BIRC3: variants seen among roughly 807,000 people sequenced by gnomAD.
BIRC3 encodes baculoviral IAP repeat containing 3.
BIRC3 carries 26 observed loss-of-function variants against 59.0 expected under a neutral mutation model. That is an observed-to-expected ratio of 0.44 (90% CI 0.32 to 0.61). The LOEUF (loss-of-function observed/expected upper bound fraction) is 0.61, where lower values mean the gene tolerates loss of function less well. Ranked by LOEUF, BIRC3 falls within the 20% of genes least tolerant of loss-of-function variation. The pLI, the probability that BIRC3 is intolerant of heterozygous loss-of-function variation, is 0.04. For synonymous variants in BIRC3, 243 were observed against 249.2 expected, an observed-to-expected ratio of 0.98 and a Z score of 0.24; for missense variants, 641 against 711.5, an observed-to-expected ratio of 0.90 and a Z score of 1.13.
intron 6 of BIRC3, among the ~76,000 whole-genome samples, chr11:102,335,028 G>A (rs1438252636): frequency 6.6e-6 from 1 of 152,074 alleles, no homozygotes; most frequent in African/African-American, 2.4e-5. Flanking sequence ...ATCACTCGAG[G>A]CCAGGAGTTC....
chr11:102,328,816 T>C (rs1951109273), intron 4 of BIRC3, 81 bp from the exon 5 acceptor site: 5 of 506,250 alleles, frequency 9.9e-6, no homozygotes, highest in African/African-American at 4.1e-5. Context: ...GTCTGTTGGG[T>C]CATTTTCATT....
At chr11:102,335,780 G>A (rs28480648) in intron 6 of BIRC3, among the ~76,000 whole-genome samples, 186 bp from the exon 7 acceptor site, 379 of 152,046 alleles carry the variant, frequency 2.5e-3, no homozygotes, top group African/African-American at 8.9e-3. Context: ...CTGCACCCTG[G>A]ATTATAATTA....
intron 3 of BIRC3, among the ~76,000 whole-genome samples, chr11:102,325,816 A>G (rs1457103919): frequency 6.6e-6 from 1 of 152,048 alleles, no homozygotes; most frequent in African/African-American, 2.4e-5. Context: ...CATGCTCATT[A>G]TAAAAACAAA....
intron 5 of BIRC3, among the ~76,000 whole-genome samples, chr11:102,330,652 G>C (rs1288747898): frequency 6.6e-6 from 1 of 152,106 alleles, no homozygotes; most frequent in African/African-American, 2.4e-5. Flanking sequence ...AATTATTCTT[G>C]ATTGAAAACT....
At chr11:102,328,628 A>G (rs139577237) in intron 4 of BIRC3, among the ~76,000 whole-genome samples, 2 of 152,268 alleles carry the variant, frequency 1.3e-5, no homozygotes, top group Non-Finnish European at 2.9e-5. Flanking sequence ...GGATTATGGA[A>G]AAGATATAGT....
chr11:102,325,812 C>T lies in BIRC3; in HGVS notation c.953+247C>T, dbSNP rs746463518. Among the ~76,000 whole-genome samples the T allele has an allele frequency of 2.0e-3, 305 of 151,870 alleles. 2 individuals carry two copies. The highest frequency in any genetic ancestry group is 3.4e-3 in the Non-Finnish European group (228 of 67,952). The stretch of plus-strand genomic sequence containing the variant: ...TATATATATTTAAATAATACATGCT[C>T]ATTATAAAAACAAAGTCACACATTG... On this transcript the variant is annotated intron_variant, in intron 3 of 8. Coordinates refer to ENST00000263464, the MANE Select transcript of BIRC3 (RefSeq NM_001165.5).
In BIRC3 at chr11:102,324,186, A is replaced by G. The variant is rs1951058998; in HGVS notation, c.-324A>G. 2 of 246,288 alleles carry G rather than the reference A, an allele frequency of 8.1e-6. No individual in the cohort carries two copies. The highest frequency in any genetic ancestry group is 1.4e-4 in the South Asian group (1 of 6,980). The allele number at this position is 246,288 out of a possible 1,614,324, so 15.3% of individuals were successfully genotyped here. On this transcript the variant is annotated 5_prime_UTR_variant, in exon 2 of 9. Coordinates refer to ENST00000263464, the MANE Select transcript of BIRC3 (RefSeq NM_001165.5). ...TGACCTACCTGTGGAGATGCCTGCC[A>G]TTAAATGGCATCCTGATGGCTTAAT...
chr11:102,328,926 T>C lies in BIRC3; in HGVS notation c.1062T>C (p.Asp354=), dbSNP rs953349466. 3 of 1,445,276 alleles carry C rather than the reference T, an allele frequency of 2.1e-6. No homozygotes were observed. Among genetic ancestry groups the C allele is most frequent in the South Asian group, 1.6e-5 (1 of 64,512 alleles). The allele number at this position is 1,445,276 out of a possible 1,614,324, so 89.5% of individuals were successfully genotyped here. ...QLLSTSDSPG[D]ENAESSIIHF... Reference sequence around the variant, plus strand: ...TATCCACATCAGACAGCCCAGGAGATGAAAATGCAGAGTCATCAAGTAAGT... The same window carrying C: ...TATCCACATCAGACAGCCCAGGAGACGAAAATGCAGAGTCATCAAGTAAGT... The change falls in exon 5 of 9, where the codon GAT becomes GAC. Residue 354 remains aspartate (D), a synonymous_variant. Coordinates refer to ENST00000263464, the MANE Select transcript of BIRC3 (RefSeq NM_001165.5).
rs544702443 is a variant in BIRC3 at position 102,339,319 on chromosome 11, C to T, written c.*2217C>T. On this transcript the variant is annotated 3_prime_UTR_variant, in exon 9 of 9. Coordinates refer to ENST00000263464, the MANE Select transcript of BIRC3 (RefSeq NM_001165.5). Reference sequence around the variant, plus strand: ...TTATGGTAATAAATAGCTATTATAACCAACCCATTTATTCAAATATGTTAT... The same window carrying T: ...TTATGGTAATAAATAGCTATTATAATCAACCCATTTATTCAAATATGTTAT... 1 of 182,296 alleles carries T rather than the reference C, an allele frequency of 5.5e-6. No individual in the cohort carries two copies. Among genetic ancestry groups the T allele is most frequent in the African/African-American group, 2.4e-5 (1 of 42,454 alleles). 11.3% of individuals were successfully genotyped at this position (182,296 alleles called of 1,614,324 possible).
rs1166713245 is a variant in BIRC3 at position 102,338,988 on chromosome 11, C to G, written c.*1886C>G. 4.6e-6 allele frequency: 1 copy of G among 216,300 alleles called. No individual in the cohort carries two copies. The highest frequency in any genetic ancestry group is 9.3e-6 in the Non-Finnish European group (1 of 107,492). The allele number at this position is 216,300 out of a possible 1,614,324, so 13.4% of individuals were successfully genotyped here. On this transcript the variant is annotated 3_prime_UTR_variant, in exon 9 of 9. Transcript: ENST00000263464. ...TGTTGTAAAGAGAACAATTAGGGAC[C>G]AAGTGAGGGGAGGAAAGAATCCATC...
At position 102,324,828 on chromosome 11, in the gene BIRC3, G is replaced by A. The variant is rs759147879; in HGVS notation, c.319G>A (p.Ala107Thr). The A allele has an allele frequency of 6.2e-7, 1 of 1,614,178 alleles. No homozygotes were observed. Among genetic ancestry groups the A allele is most frequent in the South Asian group, 1.1e-5 (1 of 91,082 alleles). Residue 107 changes from alanine (A) to threonine (T), a missense_variant, in exon 2 of 9, where the codon GCT becomes ACT. Transcript: ENST00000263464. ...TCTAAATTCCGTTAACAACTTGGAA[G>A]CTACCTCTCAGCCTACTTTTCCTTC... ...QSLNSVNNLE[A>T]TSQPTFPSSV...
chr11:102,326,905 A>G, intron 3 of BIRC3: 2 of 399,222 alleles, frequency 5.0e-6, no homozygotes, highest in Non-Finnish European at 5.0e-6. Flanking sequence ...ACAGGGTTTC[A>G]CCATGTTGTC....
At chr11:102,321,061 G>T (rs1951026798) in intron 1 of BIRC3, among the ~76,000 whole-genome samples, 1 of 152,058 alleles carries the variant, frequency 6.6e-6, no homozygotes. Context: ...AAATACTGTG[G>T]TCCAAGAAAA....
At chr11:102,335,940 T>C (rs369975930) in intron 6 of BIRC3, 26 bp from the exon 7 acceptor site, 52 of 1,591,982 alleles carry the variant, frequency 3.3e-5, no homozygotes, top group Non-Finnish European at 4.3e-5. Context: ...TTGAACATGT[T>C]TATGCTTGTT....
rs574202531 is a variant in BIRC3, at chr11:102,324,435, G to A, written c.-75G>A. The A allele has an allele frequency of 9.4e-6, 14 of 1,495,844 alleles. No homozygotes were observed. The African/African-American group carries it at 2.0e-4, about 21-fold the overall frequency. 92.7% of individuals were successfully genotyped at this position (1,495,844 alleles called of 1,614,324 possible). A position where few individuals can be genotyped will look rare whatever the true frequency, so the allele number is the denominator to read the frequency against. ...GGCTTTTCAGCCTAGTATTAAAACTGATAAAAGCAAAGCCATGCACAAAAC... is the reference window on the plus strand; with the variant it reads ...GGCTTTTCAGCCTAGTATTAAAACTAATAAAAGCAAAGCCATGCACAAAAC... On this transcript the variant is annotated 5_prime_UTR_variant, in exon 2 of 9. Coordinates refer to ENST00000263464, the MANE Select transcript of BIRC3 (RefSeq NM_001165.5).
At chr11:102,318,833 G>A (rs1018054241) in intron 1 of BIRC3, among the ~76,000 whole-genome samples, 1 of 152,194 alleles carries the variant, frequency 6.6e-6, no homozygotes, top group Non-Finnish European at 1.5e-5. Context: ...GTGTGTCCCA[G>A]TGTCAGATGC....
chr11:102,320,702 G>A (rs1951022824), intron 1 of BIRC3, among the ~76,000 whole-genome samples: 2 of 151,924 alleles, frequency 1.3e-5, no homozygotes, highest in Non-Finnish European at 2.9e-5. Context: ...TTTCATTTTT[G>A]TTACTTTTGA....
Position 102,335,686 on chromosome 11 carries a change from T to C in BIRC3, c.1325-280T>C, listed in dbSNP as rs188623907. 2.8e-3 allele frequency among the ~76,000 whole-genome samples: 428 copies of C among 152,262 alleles called. 4 individuals are homozygous for C. The highest frequency in any genetic ancestry group is 5.4e-3 in the South Asian group (26 of 4,830). The stretch of plus-strand genomic sequence containing the variant: ...TTTTTAAGACAGGGTATTGCTATGT[T>C]GCCCAGTCTGGTCTCTGACTCCAGG... On this transcript the variant is annotated intron_variant, in intron 6 of 8. Coordinates refer to ENST00000263464, the MANE Select transcript of BIRC3 (RefSeq NM_001165.5).
Position 102,337,835 on chromosome 11 carries a change from C to G in BIRC3, c.*733C>G, listed in dbSNP as rs1276687761. On this transcript the variant is annotated 3_prime_UTR_variant, in exon 9 of 9. Transcript: ENST00000263464. ...CTCAAATATTGAACTACAGTTTATACTCCTTCCCATAAGATGCTTCTTCAT... is the reference window on the plus strand; with the variant it reads ...CTCAAATATTGAACTACAGTTTATAGTCCTTCCCATAAGATGCTTCTTCAT... 1.7e-5 allele frequency: 4 copies of G among 231,256 alleles called. No homozygotes were observed. Among genetic ancestry groups the G allele is most frequent in the Non-Finnish European group, 1.7e-5 (2 of 117,028 alleles). The allele number at this position is 231,256 out of a possible 1,614,324, so 14.3% of individuals were successfully genotyped here.
Sources: allele counts gnomAD v4.1 joint callset (sites outside exome capture counted in the v4.1 genomes callset), GRCh38; gene constraint gnomAD v4.1.1; transcripts MANE v1.5; gene names NCBI Gene and HGNC (gene_info 2026-07-23, HGNC 2026-07-21).